The following RORA variants were observed in gnomAD, a reference collection of about 807,000 sequenced individuals.
RORA encodes RAR related orphan receptor A.
Under a neutral mutation model 69.5 loss-of-function variants are expected in RORA, and 7 were observed. That is an observed-to-expected ratio of 0.10 (90% CI 0.06 to 0.19). RORA has a LOEUF of 0.19. RORA is among the 10% of genes least tolerant of loss of function. RORA has a pLI of 1.00. For synonymous variants in RORA, 261 were observed against 240.8 expected (o/e 1.08, Z -0.78); for missense variants, 457 against 663.0 (o/e 0.69, Z 3.41).
intron 1 of RORA, among the ~76,000 whole-genome samples, chr15:60,811,891 A>G (rs535546615): frequency 6.6e-6 from 1 of 152,262 alleles, no homozygotes; most frequent in South Asian, 2.1e-4. Flanking sequence ...GTGGCTAACA[A>G]CTTTCCATCT....
At chr15:60,704,973 C>T (rs1194828148) in intron 1 of RORA, among the ~76,000 whole-genome samples, 3 of 152,192 alleles carry the variant, frequency 2.0e-5, no homozygotes, top group African/African-American at 2.4e-5. Flanking sequence ...TGAGCTTCCA[C>T]GTGTGACTGC....
intron 1 of RORA, among the ~76,000 whole-genome samples, chr15:61,149,318 C>T (rs533929641): frequency 2.0e-5 from 3 of 152,232 alleles, no homozygotes; most frequent in African/African-American, 7.2e-5. Context: ...TCTGGTCTTT[C>T]TTGTCTCTCT....
chr15:61,007,713 TAGGCTAATA>T (rs1894951493), intron 1 of RORA, among the ~76,000 whole-genome samples: 2 of 149,292 alleles, frequency 1.3e-5, no homozygotes, highest in Non-Finnish European at 3.0e-5. Context: ...TAATGTTATA[TAGGCTAATA>T]TTATATATTT....
At position 60,505,616 on chromosome 15, in the gene RORA, C is replaced by G. The variant is rs776916564; in HGVS notation, c.834G>C (p.Gln278His). Residue 278 changes from glutamine to histidine, a missense_variant, in exon 6 of 11, where the codon CAG (glutamine) becomes CAC (histidine). Gln to His is a conservative substitution (Grantham distance 24). This residue lies in a region of RORA where 304 missense variants were observed against 447.4 expected (regional missense o/e 0.68). Transcript: ENST00000335670. ...VSMAELEHLA[Q>H]NISKSHLETC... ...TTTCCAGATGCGATTTAGATATATT[C>G]TGTGCAAGGTGTTCTAAGGAGAAAA... 5 of 1,613,860 alleles carry G rather than the reference C, an allele frequency of 3.1e-6. No homozygotes were observed. The Admixed American group carries it at 5.0e-5, about 16-fold the overall frequency.
intron 1 of RORA, among the ~76,000 whole-genome samples, chr15:60,941,521 G>T (rs1892696205): frequency 1.3e-5 from 2 of 152,192 alleles, no homozygotes; most frequent in South Asian, 4.1e-4. Flanking sequence ...GGTCAACAGT[G>T]GGCCCTCCCA....
chr15:60,745,265 A>G (rs1278202857), intron 1 of RORA, among the ~76,000 whole-genome samples: 1 of 152,164 alleles, frequency 6.6e-6, no homozygotes, highest in Non-Finnish European at 1.5e-5. Flanking sequence ...ATCCAACCTC[A>G]GAGGCAACGG....
chr15:60,810,192 T>C (rs2072721965), intron 1 of RORA, among the ~76,000 whole-genome samples: 1 of 152,012 alleles, frequency 6.6e-6, no homozygotes, highest in African/African-American at 2.4e-5. Flanking sequence ...TATCTAAAAA[T>C]GTTTTTGTTC....
intron 1 of RORA, among the ~76,000 whole-genome samples, chr15:60,714,132 C>T (rs1456692157): frequency 6.6e-6 from 1 of 151,978 alleles, no homozygotes; most frequent in African/African-American, 2.4e-5. Context: ...CAGCTCACTG[C>T]AACCTCCGCC....
At chr15:60,928,869 G>A (rs556273792) in intron 1 of RORA, among the ~76,000 whole-genome samples, 1 of 152,306 alleles carries the variant, frequency 6.6e-6, no homozygotes, top group South Asian at 2.1e-4. Context: ...CATACAGGCT[G>A]GGGCACCAGG....
At chr15:61,049,320 AC>A (rs1246374909) in intron 1 of RORA, among the ~76,000 whole-genome samples, 1 of 152,200 alleles carries the variant, frequency 6.6e-6, no homozygotes, top group African/African-American at 2.4e-5. Context: ...CCCCCGTCTA[AC>A]ATCCTCCCAT....
chr15:60,889,209 C>G (rs547695625), intron 1 of RORA, among the ~76,000 whole-genome samples: 2 of 152,338 alleles, frequency 1.3e-5, no homozygotes, highest in African/African-American at 2.4e-5. Context: ...ACTAGATTCT[C>G]CGGTGCTGTG....
At chr15:60,639,905 A>G (rs1376660402) in intron 2 of RORA, among the ~76,000 whole-genome samples, 1 of 152,184 alleles carries the variant, frequency 6.6e-6, no homozygotes, top group Non-Finnish European at 1.5e-5. Flanking sequence ...ATAATTTGCA[A>G]GAAAAGGGTA....
rs56827621 is a variant in RORA at position 60,540,564 on chromosome 15, A to ACCC, written c.197-8716_197-8714dup. ...TAATTCCACCTGCACAATTTCCATGACCCCCCCCCCCCAAAACTGTGCGGT... is the reference window on the plus strand; with the variant it reads ...TAATTCCACCTGCACAATTTCCATGACCCCCCCCCCCCCCCAAAACTGTGCGGT... On this transcript the variant is annotated intron_variant, in intron 2 of 10. Transcript: ENST00000335670. Among the ~76,000 whole-genome samples, 37 of 46,044 alleles carry ACCC rather than the reference A, an allele frequency of 8.0e-4. 1 individual carries two copies. Among genetic ancestry groups the ACCC allele is most frequent in the African/African-American group, 1.2e-3 (23 of 19,172 alleles). 30.2% of individuals were successfully genotyped at this position (46,044 alleles called of 152,430 possible).
At chr15:60,934,057 A>C (rs1892449056) in intron 1 of RORA, among the ~76,000 whole-genome samples, 1 of 152,246 alleles carries the variant, frequency 6.6e-6, no homozygotes. Flanking sequence ...CACCATATGC[A>C]TCAATAGGGG....
At chr15:61,179,989 A>C (rs1357377275) in intron 1 of RORA, among the ~76,000 whole-genome samples, 3 of 151,274 alleles carry the variant, frequency 2.0e-5, no homozygotes, top group Non-Finnish European at 4.4e-5. Context: ...AAAAAACAAA[A>C]AAAAAATAGC....
At chr15:60,730,856 A>ATT (rs56829764) in intron 1 of RORA, among the ~76,000 whole-genome samples, 17 of 147,016 alleles carry the variant, frequency 1.2e-4, no homozygotes, top group African/African-American at 3.2e-4. Flanking sequence ...TAGGAAAAGA[A>ATT]TTTTTTTTTT....
chr15:61,011,820 A>G (rs114905275), intron 1 of RORA, among the ~76,000 whole-genome samples: 4 of 152,358 alleles, frequency 2.6e-5, no homozygotes, highest in African/African-American at 7.2e-5. Flanking sequence ...AGCAAACAAG[A>G]AGAAATATTC....
intron 2 of RORA, among the ~76,000 whole-genome samples, chr15:60,628,272 A>G (rs2069644688): frequency 1.3e-5 from 2 of 152,146 alleles, no homozygotes; most frequent in East Asian, 1.9e-4. Context: ...TGATCTTGCC[A>G]GTTTTGAGGA....
chr15:60,752,451 T>TAA (rs2071737785), intron 1 of RORA, among the ~76,000 whole-genome samples: 1 of 152,172 alleles, frequency 6.6e-6, no homozygotes, highest in Non-Finnish European at 1.5e-5. Context: ...CAATCTATTT[T>TAA]AGTGGCTCCC....
Sources: gnomAD v4.1 joint callset for allele counts (sites outside exome capture counted in the v4.1 genomes callset) on GRCh38, gnomAD v4.1.1 for gene constraint, gnomAD v4.1.1 regional missense constraint, MANE v1.5 for transcripts, NCBI Gene and HGNC (gene_info 2026-07-23, HGNC 2026-07-21) for gene names.